The following SLC4A10 variants were observed in gnomAD, a reference collection of about 807,000 sequenced individuals.
SLC4A10 encodes the protein solute carrier family 4 member 10.
In SLC4A10, 42 loss-of-function variants were observed where a neutral mutation model predicts 137.7. The observed-to-expected ratio is 0.30, with a 90% CI of 0.24 to 0.39. SLC4A10 has a LOEUF of 0.39. SLC4A10 is among the 10% of genes least tolerant of loss of function. SLC4A10 has a pLI of 1.00. For missense variants in SLC4A10, 925 were observed against 1,355.0 expected (o/e 0.68, Z 4.98); for synonymous variants, 474 against 464.1 (o/e 1.02, Z -0.27).
intron 7 of SLC4A10, 188 bp from the exon 8 acceptor site, chr2:161,873,728 G>C: frequency 2.0e-6 from 1 of 506,972 alleles, no homozygotes; most frequent in Non-Finnish European, 3.5e-6. Flanking sequence ...GGAAGCAGTA[G>C]AGGAAGTAGC....
intron 4 of SLC4A10, among the ~76,000 whole-genome samples, chr2:161,848,595 A>C (rs1230583756): frequency 6.6e-6 from 1 of 152,180 alleles, no homozygotes; most frequent in Non-Finnish European, 1.5e-5. Context: ...AATCTTCTGC[A>C]TATGGCTAGC....
chr2:161,842,081 CAGTT>C (rs1198354957), intron 4 of SLC4A10, among the ~76,000 whole-genome samples: 3 of 152,044 alleles, frequency 2.0e-5, no homozygotes, highest in South Asian at 4.1e-4. Context: ...ATTTATTTAT[CAGTT>C]AGTCTTGATA....
chr2:161,907,055 C>CAAAAAAAA (rs556899761), intron 15 of SLC4A10, among the ~76,000 whole-genome samples: 2 of 90,886 alleles, frequency 2.2e-5, no homozygotes, highest in African/African-American at 4.0e-5. Flanking sequence ...GACTCCGTCT[C>CAAAAAAAA]AAAAAAAAAA....
intron 1 of SLC4A10, among the ~76,000 whole-genome samples, chr2:161,667,110 C>T (rs1259103980): frequency 6.6e-6 from 1 of 151,544 alleles, no homozygotes; most frequent in Non-Finnish European, 1.5e-5. Flanking sequence ...CAATGTGAAG[C>T]ATTTCATTTG....
chr2:161,664,239 T>C (rs897985234), intron 1 of SLC4A10, among the ~76,000 whole-genome samples: 1 of 151,990 alleles, frequency 6.6e-6, no homozygotes, highest in Non-Finnish European at 1.5e-5. Context: ...TCATAAGAGT[T>C]ATTATGAAGC....
At chr2:161,845,917 A>T (rs1237493892) in intron 4 of SLC4A10, among the ~76,000 whole-genome samples, 2 of 152,162 alleles carry the variant, frequency 1.3e-5, no homozygotes, top group Non-Finnish European at 2.9e-5. Context: ...ACCTAGGGCT[A>T]GGTGGCAAGT....
chr2:161,688,093 T>C (rs1050062806), intron 1 of SLC4A10, among the ~76,000 whole-genome samples: 2 of 152,152 alleles, frequency 1.3e-5, no homozygotes, highest in Non-Finnish European at 2.9e-5. Context: ...TATTCAGTGA[T>C]AAGAATAAAA....
rs566671159 is a variant in SLC4A10, at chr2:161,697,709, G to T, written c.48+73143G>T. ...TACCATGCTGTTTTGGTTACTGTAG[G>T]CTTGTAGTATAGTTTGAAGTCAGGT... On this transcript the variant is annotated intron_variant, in intron 1 of 26. Coordinates refer to ENST00000446997, the MANE Select transcript of SLC4A10 (RefSeq NM_001178015.2). Among the ~76,000 whole-genome samples, 737 of 152,142 alleles carry T rather than the reference G, an allele frequency of 4.8e-3. 7 individuals carry two copies. Among genetic ancestry groups the T allele is most frequent in the Non-Finnish European group, 4.7e-3 (318 of 67,960 alleles).
At chr2:161,649,309 C>T (rs1282378046) in intron 1 of SLC4A10, among the ~76,000 whole-genome samples, 17 of 152,194 alleles carry the variant, frequency 1.1e-4, no homozygotes, top group Admixed American at 7.8e-4. Context: ...TGCAGTGAGC[C>T]GAGATTGTGC....
chr2:161,857,128 T>C (rs2060151173), intron 5 of SLC4A10, among the ~76,000 whole-genome samples: 1 of 152,214 alleles, frequency 6.6e-6, no homozygotes, highest in African/African-American at 2.4e-5. Flanking sequence ...TCACTTTAGT[T>C]CACTTTCATT....
chr2:161,942,008 A>G (rs575431146), intron 15 of SLC4A10, among the ~76,000 whole-genome samples: 7 of 152,188 alleles, frequency 4.6e-5, no homozygotes, highest in Non-Finnish European at 1.0e-4. Flanking sequence ...GTGAAATGAA[A>G]CAGAGTAAGT....
chr2:161,913,746 A>G (rs1686431475), intron 15 of SLC4A10, among the ~76,000 whole-genome samples: 1 of 152,192 alleles, frequency 6.6e-6, no homozygotes, highest in South Asian at 2.1e-4. Flanking sequence ...TTCGAAGTAG[A>G]TGGTGTGATC....
chr2:161,782,765 T>G (rs1196910565), intron 2 of SLC4A10, among the ~76,000 whole-genome samples: 3 of 147,246 alleles, frequency 2.0e-5, no homozygotes, highest in African/African-American at 7.6e-5. Flanking sequence ...TCAGTGAACT[T>G]AAGGACAGGC....
chr2:161,632,528 C>A (rs1382479423), intron 1 of SLC4A10, among the ~76,000 whole-genome samples: 1 of 151,520 alleles, frequency 6.6e-6, no homozygotes, highest in African/African-American at 2.4e-5. Context: ...TGTAGTATAA[C>A]TTTATGATAT....
rs540247251 is a variant in SLC4A10 at position 161,729,514 on chromosome 2, T to G, written c.49-41459T>G. ...AACTTATAGAAATATACACAAAAGT[T>G]TTTTTTAAAAAAAATTGTAGGAGAA... On this transcript the variant is annotated intron_variant, in intron 1 of 26. Transcript: ENST00000446997. Among the ~76,000 whole-genome samples, 26 of 152,178 alleles carry G rather than the reference T, an allele frequency of 1.7e-4. No individual in the cohort carries two copies. In the South Asian group the frequency reaches 5.0e-3, roughly 29 times the overall value.
chr2:161,912,295 G>A (rs559223330), intron 15 of SLC4A10, among the ~76,000 whole-genome samples: 2 of 152,060 alleles, frequency 1.3e-5, no homozygotes, highest in Non-Finnish European at 2.9e-5. Context: ...ATCAGAGGGC[G>A]AGTGCTAAGC....
chr2:161,812,582 A>G (rs1471687876), intron 3 of SLC4A10, among the ~76,000 whole-genome samples: 2 of 151,950 alleles, frequency 1.3e-5, no homozygotes, highest in African/African-American at 2.4e-5. Flanking sequence ...TGAGTACCCA[A>G]TGTTTATCTC....
intron 1 of SLC4A10, among the ~76,000 whole-genome samples, chr2:161,661,064 C>A (rs1339663699): frequency 6.6e-6 from 1 of 152,110 alleles, no homozygotes; most frequent in African/African-American, 2.4e-5. Context: ...AAAATTATAG[C>A]TTAACGATTT....
At chr2:161,932,066 A>G (rs1690496592) in intron 15 of SLC4A10, among the ~76,000 whole-genome samples, 1 of 152,320 alleles carries the variant, frequency 6.6e-6, no homozygotes, top group South Asian at 2.1e-4. Context: ...TCAGAGTATG[A>G]AAATGTTTTC....
Sources: gnomAD v4.1 joint callset for allele counts (sites outside exome capture counted in the v4.1 genomes callset) on GRCh38, gnomAD v4.1.1 for gene constraint, MANE v1.5 for transcripts, NCBI Gene and HGNC (gene_info 2026-07-23, HGNC 2026-07-21) for gene names.